The following LDB2 variants were observed in gnomAD, a reference collection of about 807,000 sequenced individuals.
LDB2 encodes the protein LIM domain-binding protein 2.
Under a neutral mutation model 44.3 loss-of-function variants are expected in LDB2, and 12 were observed. That is an observed-to-expected ratio of 0.27 (90% confidence interval 0.17 to 0.44). The LOEUF (loss-of-function observed/expected upper bound fraction) is 0.44, where lower values mean the gene tolerates loss of function less well. LDB2 is among the 20% of genes least tolerant of loss of function. LDB2 has a pLI of 1.00. For synonymous variants in LDB2, 164 were observed against 174.8 expected, an observed-to-expected ratio of 0.94 and a Z score of 0.49; for missense variants, 344 against 473.5, an observed-to-expected ratio of 0.73 and a Z score of 2.54.
chr4:16,535,554 C>T (rs75181583), intron 5 of LDB2, among the ~76,000 whole-genome samples: 4,970 of 152,230 alleles, frequency 0.033, 294 homozygotes, highest in African/African-American at 0.11. Flanking sequence ...GGGAAGAACA[C>T]GGGCTGCGGA....
At chr4:16,895,779 C>G (rs1481974594) in intron 1 of LDB2, among the ~76,000 whole-genome samples, 1 of 152,052 alleles carries the variant, frequency 6.6e-6, no homozygotes, top group Non-Finnish European at 1.5e-5. Context: ...TGTATTTTAT[C>G]CCAACCAATC....
intron 2 of LDB2, among the ~76,000 whole-genome samples, chr4:16,671,658 G>A (rs1257372571): frequency 6.6e-6 from 1 of 152,136 alleles, no homozygotes; most frequent in African/African-American, 2.4e-5. Context: ...ACCATTCGGA[G>A]TCAGAAGGGG....
chr4:16,837,314 G>T (rs1385337561), intron 1 of LDB2, among the ~76,000 whole-genome samples: 1 of 152,130 alleles, frequency 6.6e-6, no homozygotes, highest in Non-Finnish European at 1.5e-5. Flanking sequence ...TAGCATATGT[G>T]AAGCATCAAC....
At chr4:16,521,639 G>C (rs1038013899) in intron 5 of LDB2, among the ~76,000 whole-genome samples, 1 of 152,134 alleles carries the variant, frequency 6.6e-6, no homozygotes, top group Non-Finnish European at 1.5e-5. Flanking sequence ...AGCCTTTTCA[G>C]CAGCTGTCAT....
chr4:16,585,701 C>CA (rs1716545042), intron 5 of LDB2, among the ~76,000 whole-genome samples: 1 of 152,120 alleles, frequency 6.6e-6, no homozygotes, highest in African/African-American at 2.4e-5. Flanking sequence ...AAGAGACATA[C>CA]AGATATAGGA....
chr4:16,855,019 A>C (rs1789068434), intron 1 of LDB2, among the ~76,000 whole-genome samples: 1 of 152,120 alleles, frequency 6.6e-6, no homozygotes, highest in Admixed American at 6.5e-5. Flanking sequence ...AATAGAAAAA[A>C]TGGGCAAAAA....
intron 5 of LDB2, among the ~76,000 whole-genome samples, chr4:16,543,002 CTG>C (rs1447128965): frequency 6.7e-6 from 1 of 148,228 alleles, no homozygotes; most frequent in Non-Finnish European, 1.5e-5. Context: ...CACTTCCCAC[CTG>C]TGAGTGAGAA....
chr4:16,510,225 A>G (rs1180925516), intron 6 of LDB2, among the ~76,000 whole-genome samples: 8 of 152,346 alleles, frequency 5.3e-5, no homozygotes, highest in South Asian at 2.1e-4. Flanking sequence ...ACTTAGTCCA[A>G]TGAGTATCCC....
intron 1 of LDB2, among the ~76,000 whole-genome samples, chr4:16,870,776 G>C (rs1716330467): frequency 6.6e-6 from 1 of 152,058 alleles, no homozygotes; most frequent in Non-Finnish European, 1.5e-5. Flanking sequence ...GGGATTACAG[G>C]TGTCCGCCAC....
At chr4:16,873,065 C>T (rs564478801) in intron 1 of LDB2, among the ~76,000 whole-genome samples, 6 of 152,192 alleles carry the variant, frequency 3.9e-5, no homozygotes, top group African/African-American at 1.4e-4. Context: ...GGTAAAGATG[C>T]TGTGAAGGAG....
chr4:16,865,672 A>G (rs1339427931), intron 1 of LDB2, among the ~76,000 whole-genome samples: 2 of 152,096 alleles, frequency 1.3e-5, no homozygotes, highest in African/African-American at 4.8e-5. Flanking sequence ...GCAGTTGACA[A>G]CCGACTCTAG....
intron 5 of LDB2, among the ~76,000 whole-genome samples, chr4:16,556,920 G>A (rs1739836595): frequency 6.6e-6 from 1 of 152,160 alleles, no homozygotes; most frequent in African/African-American, 2.4e-5. Flanking sequence ...TCTATGGTCA[G>A]AAAACCTAAA....
intron 2 of LDB2, among the ~76,000 whole-genome samples, chr4:16,678,931 T>C (rs911309155): frequency 1.3e-4 from 20 of 152,164 alleles, no homozygotes; most frequent in African/African-American, 4.8e-4. Context: ...CAAACAAATA[T>C]AGGGATGAAG....
At chr4:16,841,466 G>C (rs1379960583) in intron 1 of LDB2, among the ~76,000 whole-genome samples, 1 of 152,168 alleles carries the variant, frequency 6.6e-6, no homozygotes, top group Non-Finnish European at 1.5e-5. Context: ...TGTGCACTTA[G>C]TAAACAGGTG....
At chr4:16,558,757 G>A (rs922422901) in intron 5 of LDB2, among the ~76,000 whole-genome samples, 47 of 152,188 alleles carry the variant, frequency 3.1e-4, no homozygotes, top group Middle Eastern at 6.8e-3. Context: ...ACACATAATT[G>A]TCAGATTCAC....
intron 1 of LDB2, chr4:16,888,741 T>A (rs1349355648): frequency 2.0e-6 from 2 of 980,286 alleles, no homozygotes; most frequent in African/African-American, 3.5e-5. Context: ...ATCATCATAG[T>A]TCCCAATGAT....
intron 1 of LDB2, among the ~76,000 whole-genome samples, chr4:16,795,799 G>A (rs1030462191): frequency 2.0e-5 from 3 of 152,042 alleles, no homozygotes; most frequent in Non-Finnish European, 4.4e-5. Context: ...TCGCTAAACG[G>A]TACCTATTAT....
intron 2 of LDB2, among the ~76,000 whole-genome samples, chr4:16,667,123 C>G (rs1268076162): frequency 6.6e-6 from 1 of 152,170 alleles, no homozygotes; most frequent in Non-Finnish European, 1.5e-5. Context: ...GTGTGATTTG[C>G]CAAATGACAC....
intron 1 of LDB2, among the ~76,000 whole-genome samples, chr4:16,886,590 A>G (rs1286056502): frequency 6.6e-6 from 1 of 152,230 alleles, no homozygotes; most frequent in Non-Finnish European, 1.5e-5. Context: ...TACATTAATA[A>G]TGTACTGTTT....
Sources: allele counts gnomAD v4.1 joint callset (sites outside exome capture counted in the v4.1 genomes callset), GRCh38; gene constraint gnomAD v4.1.1; transcripts MANE v1.5; gene names NCBI Gene and HGNC (gene_info 2026-07-23, HGNC 2026-07-21).